MAGI1: variants seen among roughly 807,000 people sequenced by gnomAD.
MAGI1 encodes the protein membrane-associated guanylate kinase, WW and PDZ domain-containing protein 1.
Under a neutral mutation model 139.9 loss-of-function variants are expected in MAGI1, and 58 were observed. That is an observed-to-expected ratio of 0.41 (90% CI 0.34 to 0.52). MAGI1 has a LOEUF of 0.52. Among genes scored for constraint, MAGI1 ranks in the 20% least tolerant of loss-of-function variants. The pLI, the probability that MAGI1 is intolerant of heterozygous loss-of-function variation, is 0.12. For synonymous variants in MAGI1, 812 were observed against 737.9 expected, an observed-to-expected ratio of 1.10 and a Z score of -1.63; for missense variants, 1,874 against 1,901.6, an observed-to-expected ratio of 0.99 and a Z score of 0.27.
intron 2 of MAGI1, chr3:65,499,103 ATCTAG>A (rs1236239224): frequency 2.3e-5 from 20 of 870,092 alleles, no homozygotes; most frequent in Non-Finnish European, 2.6e-5. Flanking sequence ...TTGAAAAACT[ATCTAG>A]TCAACTCCAC....
intron 1 of MAGI1, among the ~76,000 whole-genome samples, chr3:65,821,723 C>T (rs1465610217): frequency 2.0e-5 from 3 of 152,294 alleles, no homozygotes; most frequent in Non-Finnish European, 2.9e-5. Context: ...CATCACAATA[C>T]AGTCATCAAT....
intron 12 of MAGI1, among the ~76,000 whole-genome samples, chr3:65,427,821 G>A (rs1947167258): frequency 6.6e-6 from 1 of 152,036 alleles, no homozygotes; most frequent in Admixed American, 6.6e-5. Flanking sequence ...TTCTATAAGT[G>A]CCAGGTTTCA....
intron 7 of MAGI1, among the ~76,000 whole-genome samples, chr3:65,446,392 C>G (rs1311396222): frequency 2.0e-5 from 3 of 152,194 alleles, no homozygotes; most frequent in Non-Finnish European, 4.4e-5. Flanking sequence ...ACAGTTTGAT[C>G]TGAACCCAGA....
chr3:65,608,205 G>A (rs2082852339), intron 2 of MAGI1, among the ~76,000 whole-genome samples: 1 of 152,188 alleles, frequency 6.6e-6, no homozygotes, highest in Non-Finnish European at 1.5e-5. Flanking sequence ...ACTTTGGGAG[G>A]GTGAGACAGG....
At chr3:66,011,329 G>A (rs747888930) in intron 1 of MAGI1, among the ~76,000 whole-genome samples, 2 of 152,290 alleles carry the variant, frequency 1.3e-5, no homozygotes, top group Non-Finnish European at 2.9e-5. Context: ...AGGTTTGAAA[G>A]CTAGTCAAAC....
intron 1 of MAGI1, among the ~76,000 whole-genome samples, chr3:65,659,257 T>A (rs945865798): frequency 1.3e-5 from 2 of 152,084 alleles, no homozygotes; most frequent in Middle Eastern, 6.8e-3. Flanking sequence ...AACAGGGTGA[T>A]CACAGGAGAA....
chr3:65,816,179 G>T (rs1027913135), intron 1 of MAGI1, among the ~76,000 whole-genome samples: 13 of 151,954 alleles, frequency 8.6e-5, no homozygotes, highest in African/African-American at 2.4e-4. Context: ...TAGAGTCATG[G>T]TTGGAAATCA....
chr3:65,567,343 T>G (rs1309859201), intron 2 of MAGI1, among the ~76,000 whole-genome samples: 1 of 151,466 alleles, frequency 6.6e-6, no homozygotes, highest in Non-Finnish European at 1.5e-5. Flanking sequence ...GTGTAAAAAG[T>G]ATGAAAAGGA....
At chr3:65,992,803 C>A (rs1051421084) in intron 1 of MAGI1, among the ~76,000 whole-genome samples, 1 of 152,124 alleles carries the variant, frequency 6.6e-6, no homozygotes, top group Admixed American at 6.5e-5. Context: ...TTCCAAGAAT[C>A]TGGGCATCAT....
At chr3:65,802,501 C>T (rs73135060) in intron 1 of MAGI1, among the ~76,000 whole-genome samples, 27,425 of 152,048 alleles carry the variant, frequency 0.18, 3,223 homozygotes, top group East Asian at 0.44. Flanking sequence ...AATAAAAAGT[C>T]CTTTAGAATT....
At chr3:65,942,921 T>C (rs1170482949) in intron 1 of MAGI1, among the ~76,000 whole-genome samples, 2 of 152,110 alleles carry the variant, frequency 1.3e-5, no homozygotes, top group African/African-American at 4.8e-5. Flanking sequence ...CTCGGGAGGC[T>C]GAGGCAAGAG....
rs34035405 is a variant in MAGI1, at chr3:65,782,907, TAA to T, written c.314-160821_314-160820del. 5.3e-3 allele frequency among the ~76,000 whole-genome samples: 742 copies of T among 140,974 alleles called. 7 individuals are homozygous for T. The highest frequency in any genetic ancestry group is 0.018 in the African/African-American group (717 of 38,942). 92.5% of individuals were successfully genotyped at this position (140,974 alleles called of 152,430 possible). A position where few individuals can be genotyped will look rare whatever the true frequency, so the allele number is the denominator to read the frequency against. On this transcript the variant is annotated intron_variant, in intron 1 of 22. Transcript: ENST00000402939. ...TGTAAGAGCTAAATTATTAAACTCT[TAA>T]AAAAAAAAAAAGAGAAAAATCAATT...
chr3:65,837,950 T>C (rs2058682358), intron 1 of MAGI1, among the ~76,000 whole-genome samples: 1 of 152,218 alleles, frequency 6.6e-6, no homozygotes. Context: ...GTGGTAAAGA[T>C]GGAACAGAGA....
At chr3:65,725,582 T>C (rs1360686096) in intron 1 of MAGI1, among the ~76,000 whole-genome samples, 1 of 152,114 alleles carries the variant, frequency 6.6e-6, no homozygotes, top group African/African-American at 2.4e-5. Flanking sequence ...GGCTGGCAAG[T>C]AGGCATGTGG....
chr3:65,459,540 T>C (rs1949635345), intron 5 of MAGI1, among the ~76,000 whole-genome samples: 1 of 152,220 alleles, frequency 6.6e-6, no homozygotes. Flanking sequence ...TCTACTAAGA[T>C]AACCATATAA....
chr3:65,439,779 T>A, intron 9 of MAGI1, 100 bp downstream of exon 9: 1 of 1,578,916 alleles, frequency 6.3e-7, no homozygotes, highest in African/African-American at 1.3e-5. Context: ...AAGAGAGGAC[T>A]CAATCATCGA....
At chr3:65,474,259 T>G (rs1950728655) in intron 4 of MAGI1, among the ~76,000 whole-genome samples, 1 of 146,136 alleles carries the variant, frequency 6.8e-6, no homozygotes, top group Admixed American at 6.9e-5. Context: ...AACGAGACCC[T>G]GTCTCAAACA....
At chr3:65,963,547 C>T (rs1412527305) in intron 1 of MAGI1, among the ~76,000 whole-genome samples, 2 of 151,928 alleles carry the variant, frequency 1.3e-5, no homozygotes, top group African/African-American at 4.8e-5. Flanking sequence ...ACCCAGAAGG[C>T]GGAGGTTGTA....
chr3:65,778,452 A>AAAAAAAAAAG (rs1380920492), intron 1 of MAGI1, among the ~76,000 whole-genome samples: 1 of 139,092 alleles, frequency 7.2e-6, no homozygotes. Context: ...AAATAAATAA[A>AAAAAAAAAAG]TAAGTCTTTT....
Sources: gnomAD v4.1 joint callset for allele counts (sites outside exome capture counted in the v4.1 genomes callset) on GRCh38, gnomAD v4.1.1 for gene constraint, MANE v1.5 for transcripts, NCBI Gene and HGNC (gene_info 2026-07-23, HGNC 2026-07-21) for gene names.